Variants in TERF2 observed in about 807,000 individuals in gnomAD.
TERF2 encodes the protein telomeric repeat binding factor 2, also known as telomeric repeat-binding factor 2.
Under a neutral mutation model 56.1 loss-of-function variants are expected in TERF2, and 16 were observed. The observed-to-expected ratio is 0.29, with a 90% CI of 0.19 to 0.43. The LOEUF (loss-of-function observed/expected upper bound fraction) is 0.43. TERF2 is among the 20% of genes least tolerant of loss of function. The pLI is 1.00. For missense variants in TERF2, 547 were observed against 712.9 expected, an observed-to-expected ratio of 0.77 and a Z score of 2.65; for synonymous variants, 296 against 282.1, an observed-to-expected ratio of 1.05 and a Z score of -0.50.
In TERF2 at chr16:69,385,990, A is replaced by G; in HGVS notation, c.-19T>C. 7.6e-7 allele frequency: 1 copy of G among 1,312,438 alleles called. No homozygotes were observed. The highest frequency in any genetic ancestry group is 9.7e-7 in the Non-Finnish European group (1 of 1,032,252). 81.3% of individuals were successfully genotyped at this position (1,312,438 alleles called of 1,614,324 possible). ...CGGCCATGATAGAAACAGCGTTCCG[A>G]GCCGCCCGCGGGCTTCTGGGAGGGA... On this transcript the variant is annotated 5_prime_UTR_variant, in exon 1 of 10. Coordinates refer to ENST00000254942, the MANE Select transcript of TERF2 (RefSeq NM_005652.5).
chr16:69,356,268 C>A lies in TERF2; in HGVS notation c.*630G>T. 2.3e-6 allele frequency: 1 copy of A among 443,410 alleles called. No homozygotes were observed. Among genetic ancestry groups the A allele is most frequent in the Non-Finnish European group, 4.5e-6 (1 of 222,976 alleles). 27.5% of individuals were successfully genotyped at this position (443,410 alleles called of 1,614,324 possible). On this transcript the variant is annotated 3_prime_UTR_variant, in exon 10 of 10. Transcript: ENST00000254942. ...GGCTCCTAATAGACTTCACCATTTC[C>A]TAGGAGAAGGTTCTACAGATTACCA...
At position 69,356,076 on chromosome 16, in the gene TERF2, T is replaced by G. The variant is rs1597235852; in HGVS notation, c.*822A>C. The stretch of plus-strand genomic sequence containing the variant: ...GTTGATGTCACGACTGGCTAAAGAG[T>G]TTTTAAAGGGAATCTTATTCCACAA... On this transcript the variant is annotated 3_prime_UTR_variant, in exon 10 of 10. Transcript: ENST00000254942. 2.7e-6 allele frequency: 1 copy of G among 370,536 alleles called. No homozygotes were observed. The highest frequency in any genetic ancestry group is 5.3e-6 in the Non-Finnish European group (1 of 188,060). The allele number at this position is 370,536 out of a possible 1,614,324, so 23.0% of individuals were successfully genotyped here.
rs551645176 is a variant in TERF2 at position 69,359,001 on chromosome 16, T to C, written c.1427-1440A>G. Among the ~76,000 whole-genome samples the C allele has an allele frequency of 3.9e-5, 6 of 152,312 alleles. No homozygotes were observed. In the South Asian group the frequency reaches 1.0e-3, roughly 26 times the overall value. On this transcript the variant is annotated intron_variant, in intron 8 of 9. Coordinates refer to ENST00000254942, the MANE Select transcript of TERF2 (RefSeq NM_005652.5). Reference sequence around the variant, plus strand: ...ATGGTAAATATTGTGTATCTAAACATATCTAAACAGAGACAAAGTAATGCA... The same window carrying C: ...ATGGTAAATATTGTGTATCTAAACACATCTAAACAGAGACAAAGTAATGCA...
Position 69,385,797 on chromosome 16 carries a change from T to TGCCAGCTGCCCGCCC in TERF2, c.160_174dup (p.Gly54_Gly58dup). On this transcript the variant is annotated inframe_insertion, in exon 1 of 10. Transcript: ENST00000254942. ...CGCCCGCTACTGCGGGACGCCCGCC[T>TGCCAGCTGCCCGCCC]GCCAGCTGCCCGCCCGCTGCCGTCG... 1 of 1,295,742 alleles carries TGCCAGCTGCCCGCCC rather than the reference T, an allele frequency of 7.7e-7. No individual in the cohort carries two copies. The highest frequency in any genetic ancestry group is 2.4e-5 in the South Asian group (1 of 40,910). 80.3% of individuals were successfully genotyped at this position (1,295,742 alleles called of 1,614,324 possible). A position where few individuals can be genotyped will look rare whatever the true frequency, so the allele number is the denominator to read the frequency against.
chr16:69,357,671 G>T, intron 8 of TERF2, 110 bp from the exon 9 acceptor site: 1 of 1,279,800 alleles, frequency 7.8e-7, no homozygotes, highest in Non-Finnish European at 1.1e-6. Flanking sequence ...AATTTCACAA[G>T]CATTGAGAAG....
In TERF2 at chr16:69,357,072, A is replaced by G. The variant is rs527603132; in HGVS notation, c.1471-16T>C. 260 of 1,600,908 alleles carry G rather than the reference A, an allele frequency of 1.6e-4. 2 individuals are homozygous for G. The South Asian group carries it at 2.9e-3, about 18-fold the overall frequency. On this transcript the variant is annotated splice_polypyrimidine_tract_variant and intron_variant, in intron 9 of 9. Coordinates refer to ENST00000254942, the MANE Select transcript of TERF2 (RefSeq NM_005652.5). ...CAGTCCACTTCTGCAAAAGAAAACC[A>G]AAAGATTTATTACCACCTTTCCTCT...
chr16:69,378,461 G>T (rs1443676777), intron 3 of TERF2, among the ~76,000 whole-genome samples: 6 of 151,982 alleles, frequency 3.9e-5, no homozygotes, highest in Admixed American at 3.9e-4. Context: ...AGAAAGAAGC[G>T]AAAAAAGAGA....
At chr16:69,378,380 T>C (rs1019560621) in intron 3 of TERF2, among the ~76,000 whole-genome samples, 5 of 152,218 alleles carry the variant, frequency 3.3e-5, no homozygotes, top group African/African-American at 1.2e-4. Flanking sequence ...GTTTTAGATG[T>C]CTGCCCTGTT....
At chr16:69,360,033 G>T (rs1189495360) in intron 8 of TERF2, among the ~76,000 whole-genome samples, 1 of 151,970 alleles carries the variant, frequency 6.6e-6, no homozygotes, top group African/African-American at 2.4e-5. Context: ...AAAGTGCTGG[G>T]ATTACAGGCA....
intron 4 of TERF2, 67 bp from the exon 5 acceptor site, chr16:69,370,696 G>C: frequency 6.7e-7 from 1 of 1,488,662 alleles, no homozygotes; most frequent in East Asian, 2.3e-5. Context: ...ATGATGATGA[G>C]GTGAGACAGA....
intron 3 of TERF2, among the ~76,000 whole-genome samples, chr16:69,373,000 T>C (rs529990261): frequency 1.1e-4 from 16 of 151,910 alleles, no homozygotes; most frequent in South Asian, 2.1e-4. Context: ...CCCAGAACAA[T>C]TGATTCTGTT....
At chr16:69,382,946 G>A (rs1004392145) in intron 3 of TERF2, among the ~76,000 whole-genome samples, 1 of 152,108 alleles carries the variant, frequency 6.6e-6, no homozygotes, top group African/African-American at 2.4e-5. Context: ...AGTACGTGGT[G>A]GAGACTGGAA....
At position 69,385,373 on chromosome 16, in the gene TERF2, A is replaced by T; in HGVS notation, c.475+18T>A. The stretch of plus-strand genomic sequence containing the variant: ...CCTACGCAAGTAAGCCCAGAGAAGA[A>T]CACAAAAATAGCCATACCTAAATTT... On this transcript the variant is annotated intron_variant, in intron 2 of 9. Coordinates refer to ENST00000254942, the MANE Select transcript of TERF2 (RefSeq NM_005652.5). 1 of 1,607,656 alleles carries T rather than the reference A, an allele frequency of 6.2e-7. No homozygotes were observed. Among genetic ancestry groups the T allele is most frequent in the Non-Finnish European group, 8.5e-7 (1 of 1,174,250 alleles).
rs758544378 is a variant in TERF2 at position 69,385,750 on chromosome 16, C to T, written c.222G>A (p.Glu74=). The T allele has an allele frequency of 1.5e-5, 22 of 1,425,552 alleles. No homozygotes were observed. Among genetic ancestry groups the T allele is most frequent in the Non-Finnish European group, 9.2e-7 (1 of 1,092,268 alleles). 88.3% of individuals were successfully genotyped at this position (1,425,552 alleles called of 1,614,324 possible). ...GCTCCGCCGGGCCCCCCAGCCCCGG[C>T]TCGTGGCGCCCCCGCCGGGCCCGCC... ...SSGRARRGRH[E]PGLGGPAERG... Residue 74 remains glutamate, a synonymous_variant, in exon 1 of 10, where the codon GAG becomes GAA. Transcript: ENST00000254942.
chr16:69,385,855 T>A lies in TERF2; in HGVS notation c.117A>T (p.Arg39=), dbSNP rs1215887679. The A allele has an allele frequency of 2.9e-6, 4 of 1,367,678 alleles. No homozygotes were observed. The highest frequency in any genetic ancestry group is 2.8e-6 in the Non-Finnish European group (3 of 1,057,888). 84.7% of individuals were successfully genotyped at this position (1,367,678 alleles called of 1,614,324 possible). A position where few individuals can be genotyped will look rare whatever the true frequency, so the allele number is the denominator to read the frequency against. ...CGCCTCCTCCCGCCATCGTGTCCGATCGCCGCGCGCCCTCCCCGCCCTCCC... is the reference window on the plus strand; with the variant it reads ...CGCCTCCTCCCGCCATCGTGTCCGAACGCCGCGCGCCCTCCCCGCCCTCCC... ...PGREGGEGAR[R]SDTMAGGGGS... Residue 39 remains arginine, a synonymous_variant, in exon 1 of 10, where the codon CGA becomes CGT. Transcript: ENST00000254942.
chr16:69,375,086 C>CAA (rs1277048575), intron 3 of TERF2, among the ~76,000 whole-genome samples: 2 of 152,144 alleles, frequency 1.3e-5, no homozygotes, highest in African/African-American at 4.8e-5. Context: ...GGTACACTAT[C>CAA]AATAGTTCAC....
intron 8 of TERF2, among the ~76,000 whole-genome samples, chr16:69,359,025 C>T (rs2013026547): frequency 6.6e-6 from 1 of 152,112 alleles, no homozygotes; most frequent in Admixed American, 6.5e-5. Flanking sequence ...CAAAGTAATG[C>T]ATTGCACTAC....
chr16:69,361,540 T>C (rs2013140187), intron 7 of TERF2, 51 bp from the exon 8 acceptor site: 2 of 1,302,916 alleles, frequency 1.5e-6, no homozygotes, highest in Non-Finnish European at 2.2e-6. Flanking sequence ...CACCCTGGAT[T>C]GTCCCAGATT....
rs780010802 is a variant in TERF2, at chr16:69,362,498, GAGACATATTAGCTGA to G, written c.1341-1024_1341-1010del. 3.1e-4 allele frequency among the ~76,000 whole-genome samples: 47 copies of G among 152,132 alleles called. 1 individual carries two copies. Among genetic ancestry groups the G allele is most frequent in the Non-Finnish European group, 5.9e-4 (40 of 68,026 alleles). ...GTAACACAGACCCCAATGTGAGCTG[GAGACATATTAGCTGA>G]ACTAACATTGTGATTGTCAGAGAGC... On this transcript the variant is annotated intron_variant, in intron 7 of 9. Coordinates refer to ENST00000254942, the MANE Select transcript of TERF2 (RefSeq NM_005652.5).
Sources: allele counts gnomAD v4.1 joint callset (sites outside exome capture counted in the v4.1 genomes callset), GRCh38; gene constraint gnomAD v4.1.1; transcripts MANE v1.5; gene names NCBI Gene and HGNC (gene_info 2026-07-23, HGNC 2026-07-21).